EPHA3: variants seen among roughly 807,000 people sequenced by gnomAD.
EPHA3 encodes ephrin type-A receptor 3.
In EPHA3, 42 loss-of-function variants were observed where a neutral mutation model predicts 107.1. The ratio of observed to expected loss-of-function variants is 0.39; its 90% CI spans 0.31 to 0.51. The LOEUF (loss-of-function observed/expected upper bound fraction) is 0.51, where lower values mean the gene tolerates loss of function less well. EPHA3 is among the 20% of genes least tolerant of loss of function. EPHA3 has a pLI of 0.78. For missense variants in EPHA3, 1,183 were observed against 1,211.2 expected (o/e 0.98, Z 0.35); for synonymous variants, 461 against 424.8 (o/e 1.09, Z -1.05).
chr3:89,206,519 A>G (rs1488732275), intron 2 of EPHA3, among the ~76,000 whole-genome samples: 1 of 152,172 alleles, frequency 6.6e-6, no homozygotes, highest in Non-Finnish European at 1.5e-5. Context: ...TATGGAAAGC[A>G]TTTGTTCTCT....
intron 2 of EPHA3, among the ~76,000 whole-genome samples, chr3:89,130,146 T>C (rs1426959052): frequency 1.3e-5 from 2 of 152,186 alleles, no homozygotes; most frequent in Admixed American, 6.5e-5. Flanking sequence ...CAGGCACTTT[T>C]ACATTTAGTA....
rs1371167461 is a variant in EPHA3, at chr3:89,480,578, C to T, written c.*1076C>T. Reference sequence around the variant, plus strand: ...GAGAAGTGGAATCCTATATAGAATGCTGCACTAATTGACAACACAGCCTAT... The same window carrying T: ...GAGAAGTGGAATCCTATATAGAATGTTGCACTAATTGACAACACAGCCTAT... On this transcript the variant is annotated 3_prime_UTR_variant, in exon 17 of 17. Transcript: ENST00000336596. 8.6e-6 allele frequency: 2 copies of T among 232,496 alleles called. No individual in the cohort carries two copies. Among genetic ancestry groups the T allele is most frequent in the Non-Finnish European group, 1.7e-5 (2 of 117,554 alleles). The allele number at this position is 232,496 out of a possible 1,614,324, so 14.4% of individuals were successfully genotyped here. A position where few individuals can be genotyped will look rare whatever the true frequency, so the allele number is the denominator to read the frequency against.
intron 3 of EPHA3, among the ~76,000 whole-genome samples, chr3:89,243,874 G>T (rs150652826): frequency 1.1e-3 from 162 of 152,106 alleles, no homozygotes; most frequent in African/African-American, 3.7e-3. Context: ...CCCACTGCCA[G>T]GACTCATTTA....
intron 2 of EPHA3, among the ~76,000 whole-genome samples, chr3:89,162,503 T>A (rs1222652789): frequency 6.6e-6 from 1 of 152,206 alleles, no homozygotes; most frequent in Non-Finnish European, 1.5e-5. Context: ...TTCCTTCCTC[T>A]CTTGCCCAGA....
intron 2 of EPHA3, among the ~76,000 whole-genome samples, chr3:89,130,687 C>A (rs1409865640): frequency 6.7e-6 from 1 of 149,044 alleles, no homozygotes; most frequent in South Asian, 2.1e-4. Context: ...CAGGCTGGAG[C>A]GCTGTGGCGC....
At chr3:89,461,293 G>C (rs1710235717) in intron 15 of EPHA3, among the ~76,000 whole-genome samples, 1 of 101,796 alleles carries the variant, frequency 9.8e-6, no homozygotes, top group Non-Finnish European at 1.9e-5. Context: ...ACATACGTGT[G>C]CATGTGTCTT....
chr3:89,128,046 T>C (rs1219138797), intron 2 of EPHA3, among the ~76,000 whole-genome samples: 1 of 152,168 alleles, frequency 6.6e-6, no homozygotes, highest in Non-Finnish European at 1.5e-5. Flanking sequence ...TAAGTATAGT[T>C]TGTGAAATAT....
At chr3:89,391,647 A>T (rs1396694136) in intron 5 of EPHA3, among the ~76,000 whole-genome samples, 3 of 150,824 alleles carry the variant, frequency 2.0e-5, no homozygotes, top group Non-Finnish European at 4.4e-5. Context: ...GTTAGCCAGG[A>T]TGGTCTCCAT....
intron 2 of EPHA3, among the ~76,000 whole-genome samples, chr3:89,185,483 A>G (rs1705542832): frequency 6.6e-6 from 1 of 152,030 alleles, no homozygotes; most frequent in Non-Finnish European, 1.5e-5. Context: ...ATATCAACAG[A>G]TATTGTGAAA....
chr3:89,136,319 A>T (rs566858588), intron 2 of EPHA3, among the ~76,000 whole-genome samples: 2 of 50,008 alleles, frequency 4.0e-5, no homozygotes, highest in South Asian at 1.0e-3. Flanking sequence ...AACATGGCAA[A>T]ATCTTACAGG....
intron 3 of EPHA3, among the ~76,000 whole-genome samples, chr3:89,315,497 T>C (rs1706875272): frequency 6.6e-6 from 1 of 151,822 alleles, no homozygotes; most frequent in Non-Finnish European, 1.5e-5. Flanking sequence ...TTACCATTGA[T>C]TTGGCTTAAA....
chr3:89,420,776 C>T (rs1457476058), intron 11 of EPHA3, among the ~76,000 whole-genome samples: 1 of 151,272 alleles, frequency 6.6e-6, no homozygotes. Context: ...GTGGTGGTTG[C>T]CTTTTAGCTC....
chr3:89,243,707 G>T (rs2107249801), intron 3 of EPHA3, among the ~76,000 whole-genome samples: 1 of 152,228 alleles, frequency 6.6e-6, no homozygotes, highest in Admixed American at 6.5e-5. Flanking sequence ...CCATTCTGTA[G>T]GTTGCGTGTT....
At chr3:89,189,379 G>A (rs1705648247) in intron 2 of EPHA3, among the ~76,000 whole-genome samples, 2 of 152,020 alleles carry the variant, frequency 1.3e-5, no homozygotes, top group Non-Finnish European at 2.9e-5. Flanking sequence ...GGGATCACGA[G>A]GTCAAGAGAT....
chr3:89,406,777 A>G (rs1709063803), intron 7 of EPHA3, among the ~76,000 whole-genome samples: 1 of 152,192 alleles, frequency 6.6e-6, no homozygotes, highest in Non-Finnish European at 1.5e-5. Context: ...GGTAGGAAAT[A>G]GAGGGACAGT....
At chr3:89,439,649 A>AAT (rs1709743497) in intron 13 of EPHA3, among the ~76,000 whole-genome samples, 1 of 151,882 alleles carries the variant, frequency 6.6e-6, no homozygotes, top group African/African-American at 2.4e-5. Flanking sequence ...CTGGAGATTG[A>AAT]ATATATATAA....
intron 3 of EPHA3, among the ~76,000 whole-genome samples, chr3:89,306,959 C>T (rs1179891444): frequency 6.6e-6 from 1 of 152,092 alleles, no homozygotes; most frequent in Non-Finnish European, 1.5e-5. Context: ...TAACATAGTT[C>T]TCTGTTATTC....
intron 2 of EPHA3, among the ~76,000 whole-genome samples, chr3:89,134,340 T>C (rs1417292754): frequency 6.6e-6 from 1 of 151,990 alleles, no homozygotes; most frequent in African/African-American, 2.4e-5. Flanking sequence ...TTACATTAGG[T>C]ATATCTCCTA....
intron 2 of EPHA3, among the ~76,000 whole-genome samples, chr3:89,208,305 G>T (rs917745328): frequency 4.7e-5 from 7 of 147,718 alleles, no homozygotes; most frequent in Non-Finnish European, 8.9e-5. Flanking sequence ...AGGAGGTGAA[G>T]ATTGCAGTGA....
Sources: gnomAD v4.1 joint callset for allele counts (sites outside exome capture counted in the v4.1 genomes callset) on GRCh38, gnomAD v4.1.1 for gene constraint, MANE v1.5 for transcripts, NCBI Gene and HGNC (gene_info 2026-07-23, HGNC 2026-07-21) for gene names.